CC2D2A: variants seen among roughly 807,000 people sequenced by gnomAD.
CC2D2A encodes coiled-coil and C2 domain containing 2A, also known as coiled-coil and C2 domain-containing protein 2A.
Under a neutral mutation model 212.9 loss-of-function variants are expected in CC2D2A, and 155 were observed. That is an observed-to-expected ratio of 0.73 (90% CI 0.64 to 0.83). CC2D2A has a LOEUF of 0.83. Among genes scored for constraint, CC2D2A ranks in the 40% least tolerant of loss-of-function variants. The probability of loss-of-function intolerance (pLI) is 0.00; values close to 1 mark genes in which losing one functional copy is unlikely to be tolerated. For missense variants in CC2D2A, 1,856 were observed against 1,956.2 expected (o/e 0.95, Z 0.97); for synonymous variants, 667 against 686.5 (o/e 0.97, Z 0.44).
At chr4:15,596,029 T>C (rs759951684) in intron 33 of CC2D2A, 56 bp from the exon 34 acceptor site, 20 of 1,364,116 alleles carry the variant, frequency 1.5e-5, no homozygotes, top group Non-Finnish European at 1.9e-5. Flanking sequence ...CATGCACACA[T>C]ACATGTGCAT....
At chr4:15,584,232 G>A (rs1317741766) in intron 30 of CC2D2A, among the ~76,000 whole-genome samples, 3 of 152,078 alleles carry the variant, frequency 2.0e-5, no homozygotes, top group African/African-American at 4.8e-5. Context: ...AGAACTGGAA[G>A]TATCACACTA....
Position 15,523,107 on chromosome 4 carries a change from T to TC in CC2D2A, c.1150-4338dup, listed in dbSNP as rs1322123503. On this transcript the variant is annotated intron_variant, in intron 11 of 36. Coordinates refer to ENST00000424120, the MANE Select transcript of CC2D2A (RefSeq NM_001378615.1). Reference sequence around the variant, plus strand: ...CTAACCTGGGTGACAAGAGCAAAACTCCATCTCAAAAAAAAAAAAAAAGTT... The same window carrying TC: ...CTAACCTGGGTGACAAGAGCAAAACTCCCATCTCAAAAAAAAAAAAAAAGTT... Among the ~76,000 whole-genome samples the TC allele has an allele frequency of 2.1e-5, 3 of 142,210 alleles. No homozygotes were observed. The East Asian group carries it at 6.1e-4, about 29-fold the overall frequency. 93.3% of individuals were successfully genotyped at this position (142,210 alleles called of 152,430 possible).
rs749787312 is a variant in CC2D2A at position 15,570,399 on chromosome 4, A to T, written c.3497A>T (p.Asp1166Val). Reference sequence around the variant, plus strand: ...TATTACTTCCCACCCTTCCTTTAGGATGACCGTGAAAGAGGAAGTGGAATC... The same window carrying T: ...TATTACTTCCCACCCTTCCTTTAGGTTGACCGTGAAAGAGGAAGTGGAATC... ...FDEVLHDVLE[D>V]DRERGSGIHT... The change falls in exon 28 of 37, where the codon GAT (aspartate) becomes GTT (valine). Residue 1166 changes from aspartate (D) to valine (V), a missense_variant and splice_region_variant. Transcript: ENST00000424120. The T allele has an allele frequency of 3.8e-6, 6 of 1,587,812 alleles. No individual in the cohort carries two copies. In the East Asian group the frequency reaches 1.1e-4, roughly 30 times the overall value.
intron 4 of CC2D2A, chr4:15,492,743 G>T: frequency 1.2e-6 from 1 of 819,774 alleles, no homozygotes; most frequent in East Asian, 3.0e-5. Flanking sequence ...GAGGCCATGT[G>T]GGCCATGAGG....
intron 4 of CC2D2A, among the ~76,000 whole-genome samples, chr4:15,488,075 A>G (rs1715104567): frequency 6.6e-6 from 1 of 152,122 alleles, no homozygotes; most frequent in Non-Finnish European, 1.5e-5. Context: ...TTCAGGGCTA[A>G]AGATATGAGT....
chr4:15,470,689 C>CTCTATATA (rs1713728306), intron 1 of CC2D2A, among the ~76,000 whole-genome samples: 3 of 50,672 alleles, frequency 5.9e-5, no homozygotes, highest in African/African-American at 9.2e-5. Context: ...CTCTCTCTCT[C>CTCTATATA]TATATATATA....
chr4:15,533,032 A>G (rs1717929579), intron 13 of CC2D2A, among the ~76,000 whole-genome samples, 161 bp from the exon 14 acceptor site: 2 of 149,246 alleles, frequency 1.3e-5, no homozygotes, highest in Admixed American at 1.3e-4. Context: ...ACAGGTTGAC[A>G]TCCTATTGTC....
intron 34 of CC2D2A, among the ~76,000 whole-genome samples, chr4:15,596,744 T>C (rs1306130635): frequency 6.6e-6 from 1 of 152,166 alleles, no homozygotes; most frequent in Non-Finnish European, 1.5e-5. Flanking sequence ...AACATTACCC[T>C]AGAGAAATTC....
intron 19 of CC2D2A, 45 bp downstream of exon 19, chr4:15,553,350 C>G (rs1180237487): frequency 6.9e-6 from 11 of 1,585,276 alleles, no homozygotes; most frequent in Non-Finnish European, 9.5e-6. Flanking sequence ...TCAGTGTTAT[C>G]ATTAAAGATA....
At position 15,597,284 on chromosome 4, in the gene CC2D2A, T is replaced by G. The variant is rs533509669; in HGVS notation, c.4438-123T>G. 3.3e-5 allele frequency: 24 copies of G among 728,558 alleles called. No homozygotes were observed. The South Asian group carries it at 3.9e-4, about 12-fold the overall frequency. 45.1% of individuals were successfully genotyped at this position (728,558 alleles called of 1,614,324 possible). On this transcript the variant is annotated intron_variant, in intron 34 of 36. Coordinates refer to ENST00000424120, the MANE Select transcript of CC2D2A (RefSeq NM_001378615.1). Reference sequence around the variant, plus strand: ...TTGGTGGGTCATGGGTACATCAGCATGCATTATATTATTTTCTATATCTCG... The same window carrying G: ...TTGGTGGGTCATGGGTACATCAGCAGGCATTATATTATTTTCTATATCTCG...
At chr4:15,470,686 TCTC>T in intron 1 of CC2D2A, among the ~76,000 whole-genome samples, 1 of 21,028 alleles carries the variant, frequency 4.8e-5, no homozygotes, top group African/African-American at 1.2e-4. Context: ...TCTCTCTCTC[TCTC>T]TATATATATA....
rs142292638 is a variant in CC2D2A, at chr4:15,597,628, T to G, written c.4496+163T>G. On this transcript the variant is annotated intron_variant, in intron 35 of 36. Coordinates refer to ENST00000424120, the MANE Select transcript of CC2D2A (RefSeq NM_001378615.1). ...AGATGTGATCTCTAAATCCCATGGC[T>G]CAAAAGGAGCCTTTAGCATCAGCAT... Among the ~76,000 whole-genome samples the G allele has an allele frequency of 3.6e-3, 549 of 152,320 alleles. 3 individuals are homozygous for G. Among genetic ancestry groups the G allele is most frequent in the East Asian group, 0.024 (124 of 5,164 alleles).
intron 24 of CC2D2A, among the ~76,000 whole-genome samples, chr4:15,564,973 G>A (rs1380118916): frequency 1.3e-5 from 2 of 152,050 alleles, no homozygotes; most frequent in East Asian, 1.9e-4. Context: ...CACTGCACCC[G>A]GCTCCTACAT....
At chr4:15,560,780 A>G (rs934052093) in intron 23 of CC2D2A, among the ~76,000 whole-genome samples, 158 bp downstream of exon 23, 1 of 152,188 alleles carries the variant, frequency 6.6e-6, no homozygotes. Context: ...TGATGATGAC[A>G]TTAGTTGAGG....
intron 16 of CC2D2A, among the ~76,000 whole-genome samples, chr4:15,539,986 G>A (rs6812708): frequency 0.73 from 111,578 of 152,098 alleles, 40,975 homozygotes; most frequent in East Asian, 0.79. Context: ...AGCTCTGAAG[G>A]TGGATAGTGG....
Position 15,527,778 on chromosome 4 carries a change from G to A in CC2D2A, c.1359+122G>A, listed in dbSNP as rs1717594604. The A allele has an allele frequency of 1.8e-5, 13 of 721,626 alleles. No homozygotes were observed. The South Asian group carries it at 2.4e-4, about 13-fold the overall frequency. The allele number at this position is 721,626 out of a possible 1,614,324, so 44.7% of individuals were successfully genotyped here. On this transcript the variant is annotated intron_variant, in intron 12 of 36. Coordinates refer to ENST00000424120, the MANE Select transcript of CC2D2A (RefSeq NM_001378615.1). ...TCTTTCACATGTTTCCTCGGTTTAG[G>A]ATGTGTGATACATTATCCAGCTAGA... is the stretch of plus-strand genomic sequence containing the variant.
chr4:15,585,945 G>A (rs1720839638), intron 30 of CC2D2A, among the ~76,000 whole-genome samples: 1 of 152,172 alleles, frequency 6.6e-6, no homozygotes. Flanking sequence ...AAGGGACACA[G>A]TTTCTTCATC....
intron 33 of CC2D2A, among the ~76,000 whole-genome samples, chr4:15,594,250 A>C (rs1721225175): frequency 6.6e-6 from 1 of 152,102 alleles, no homozygotes; most frequent in Admixed American, 6.5e-5. Flanking sequence ...TGATTTTTCC[A>C]GTTAGAACTT....
In CC2D2A at chr4:15,589,624, A is replaced by T. The variant is rs1204195019; in HGVS notation, c.4259A>T (p.Gln1420Leu). ...WNPCSGHFYGQFDTFCPLKNV... is the reference protein window; with the variant it reads ...WNPCSGHFYGLFDTFCPLKNV... ...CCCTGCAGTGGACATTTTTATGGAC[A>T]ATTTGATACATTCTGTCCCTTGAAA... The change falls in exon 33 of 37, where the codon CAA becomes CTA. Residue 1420 changes from glutamine (Q) to leucine (L), a missense_variant. Transcript: ENST00000424120. 1.2e-6 allele frequency: 2 copies of T among 1,612,106 alleles called. No homozygotes were observed. The highest frequency in any genetic ancestry group is 1.3e-5 in the African/African-American group (1 of 74,986).
Sources: gnomAD v4.1 joint callset for allele counts (sites outside exome capture counted in the v4.1 genomes callset) on GRCh38, gnomAD v4.1.1 for gene constraint, MANE v1.5 for transcripts, NCBI Gene and HGNC (gene_info 2026-07-23, HGNC 2026-07-21) for gene names.